Variants in TIE1 observed in about 807,000 individuals in gnomAD.
The protein encoded by TIE1 is tyrosine-protein kinase receptor Tie-1.
In TIE1, 89 loss-of-function variants were observed where a neutral mutation model predicts 130.5. The observed-to-expected ratio is 0.68, with a 90% CI of 0.57 to 0.81. TIE1 has a LOEUF of 0.81. Ranked by LOEUF, TIE1 falls within the 40% of genes least tolerant of loss-of-function variation. The pLI is 0.00. For synonymous variants in TIE1, 568 were observed against 629.4 expected (o/e 0.90, Z 1.46); for missense variants, 1,392 against 1,559.8 (o/e 0.89, Z 1.81).
chr1:43,308,975 T>G lies in TIE1; in HGVS notation c.1043-11T>G. The G allele has an allele frequency of 6.2e-7, 1 of 1,613,948 alleles. No individual in the cohort carries two copies. Among genetic ancestry groups the G allele is most frequent in the Non-Finnish European group, 8.5e-7 (1 of 1,179,928 alleles). ...TGTGGGAGCTCCAGGATGAGTGTCCTTTCTCCCCAGACCGGATCCCCCAGA... is the reference window on the plus strand; with the variant it reads ...TGTGGGAGCTCCAGGATGAGTGTCCGTTCTCCCCAGACCGGATCCCCCAGA... On this transcript the variant is annotated splice_polypyrimidine_tract_variant and intron_variant, in intron 7 of 22. Transcript: ENST00000372476.
rs780986685 is a variant in TIE1 at position 43,312,144 on chromosome 1, G to C, written c.1630+13G>C. 6.6e-7 allele frequency: 1 copy of C among 1,524,774 alleles called. No homozygotes were observed. Among genetic ancestry groups the C allele is most frequent in the Non-Finnish European group, 8.8e-7 (1 of 1,135,448 alleles). The allele number at this position is 1,524,774 out of a possible 1,614,324, so 94.5% of individuals were successfully genotyped here. A position where few individuals can be genotyped will look rare whatever the true frequency, so the allele number is the denominator to read the frequency against. On this transcript the variant is annotated intron_variant, in intron 11 of 22. Transcript: ENST00000372476. This position sits in a 1 kb window ranked among gnomAD's most constrained non-coding sequence, Gnocchi z 5.6. ...ACAGACTGTCCTGGTGAGAGGCCAA[G>C]AGTCATCCCTTCCTGTCCCCCCAAG... is the stretch of plus-strand genomic sequence containing the variant.
At position 43,314,226 on chromosome 1, in the gene TIE1, G is replaced by A. The variant is rs540779387; in HGVS notation, c.2409+258G>A. On this transcript the variant is annotated intron_variant, in intron 14 of 22. Coordinates refer to ENST00000372476, the MANE Select transcript of TIE1 (RefSeq NM_005424.5). ...TCCCATTTCAAAAGAATTCCGTGATGACCATATTTCACAATGGACATTCCA... is the reference window on the plus strand; with the variant it reads ...TCCCATTTCAAAAGAATTCCGTGATAACCATATTTCACAATGGACATTCCA... 5.8e-6 allele frequency: 4 copies of A among 693,176 alleles called. No homozygotes were observed. The South Asian group carries it at 7.8e-5, about 13-fold the overall frequency. 42.9% of individuals were successfully genotyped at this position (693,176 alleles called of 1,614,324 possible). A position where few individuals can be genotyped will look rare whatever the true frequency, so the allele number is the denominator to read the frequency against.
intron 1 of TIE1, among the ~76,000 whole-genome samples, chr1:43,302,145 G>A (rs775839364): frequency 1.4e-4 from 22 of 152,164 alleles, no homozygotes; most frequent in Non-Finnish European, 2.5e-4. Context: ...TTGTTCACTG[G>A]ACAAACATTT....
chr1:43,307,378 T>C lies in TIE1; in HGVS notation c.773-54T>C. 1 of 1,611,940 alleles carries C rather than the reference T, an allele frequency of 6.2e-7. No homozygotes were observed. The highest frequency in any genetic ancestry group is 8.5e-7 in the Non-Finnish European group (1 of 1,178,792). ...TTGGAGGGTAAGGGCGACAGGCAGG[T>C]CCTGGGCCCAGGGGCCCACAGAGGC... On this transcript the variant is annotated intron_variant, in intron 5 of 22. Coordinates refer to ENST00000372476, the MANE Select transcript of TIE1 (RefSeq NM_005424.5). The surrounding 1 kb of genome is among the most constrained non-coding windows in gnomAD (Gnocchi z 5.4).
intron 14 of TIE1, 168 bp downstream of exon 14, chr1:43,314,136 T>C: frequency 1.1e-6 from 1 of 887,614 alleles, no homozygotes; most frequent in Non-Finnish European, 1.8e-6. Context: ...TATAATTTTC[T>C]TTATTTCTCT....
Position 43,317,416 on chromosome 1 carries a change from T to G in TIE1, c.2620+7T>G. On this transcript the variant is annotated splice_region_variant and intron_variant, in intron 15 of 22. Coordinates refer to ENST00000372476, the MANE Select transcript of TIE1 (RefSeq NM_005424.5). This position sits in a 1 kb window ranked among gnomAD's most constrained non-coding sequence, Gnocchi z 5.1. ...GCCATCAAAATGCTGAAAGGTCCAC[T>G]GGGGCGACCCCTGGCCCAGCCCTGA... The G allele has an allele frequency of 1.9e-6, 3 of 1,614,002 alleles. No homozygotes were observed. The South Asian group carries it at 3.3e-5, about 18-fold the overall frequency.
At chr1:43,301,783 C>T (rs1246057620) in intron 1 of TIE1, among the ~76,000 whole-genome samples, 6 of 152,174 alleles carry the variant, frequency 3.9e-5, no homozygotes, top group African/African-American at 7.2e-5. Context: ...GCAAGAGAAT[C>T]GCTTGAATCT....
At chr1:43,314,040 TACCTTGTAC>T in intron 14 of TIE1, 72 bp downstream of exon 14, 3 of 1,456,368 alleles carry the variant, frequency 2.1e-6, no homozygotes, top group Non-Finnish European at 2.9e-6. Context: ...GTACACACAA[TACCTTGTAC>T]ACCTTGTGTG....
chr1:43,308,722 T>C (rs1646756558), intron 7 of TIE1: 1 of 568,134 alleles, frequency 1.8e-6, no homozygotes, highest in South Asian at 1.8e-5. Context: ...CCTGAGCTAG[T>C]GTGCTGGCTG....
chr1:43,307,954 C>G lies in TIE1; in HGVS notation c.1042+30C>G, dbSNP rs1646747877. 1 of 1,610,762 alleles carries G rather than the reference C, an allele frequency of 6.2e-7. No homozygotes were observed. The highest frequency in any genetic ancestry group is 1.3e-5 in the African/African-American group (1 of 74,882). ...AAGCACTATGACCTCTGAGAGCCCC[C>G]CAAGATAAGTCGGCCTTTACCAAAC... On this transcript the variant is annotated intron_variant, in intron 7 of 22. Coordinates refer to ENST00000372476, the MANE Select transcript of TIE1 (RefSeq NM_005424.5). This position sits in a 1 kb window ranked among gnomAD's most constrained non-coding sequence, Gnocchi z 5.4.
chr1:43,321,482 G>GA lies in TIE1; in HGVS notation c.3236dup (p.Asp1079GlufsTer3). On this transcript the variant is annotated frameshift_variant, in exon 21 of 23. Transcript: ENST00000372476. LOFTEE classifies it high-confidence loss of function. ...CCGCATGGAGCAGCCTCGAAACTGT[G>GA]ACGATGAAGTGTGAGTCACCCCATC... is the stretch of plus-strand genomic sequence containing the variant. 6.2e-7 allele frequency: 1 copy of GA among 1,612,884 alleles called. No homozygotes were observed. Among genetic ancestry groups the GA allele is most frequent in the East Asian group, 2.2e-5 (1 of 44,844 alleles).
In TIE1 at chr1:43,322,231, GA is replaced by G. The variant is rs149013078; in HGVS notation, c.3346-415del. Reference sequence around the variant, plus strand: ...AAGTGAATTATCAAATAAATATAATGAAAAATATATCAAAATTAGTAAATAT... The same window carrying G: ...AAGTGAATTATCAAATAAATATAATGAAAATATATCAAAATTAGTAAATAT... On this transcript the variant is annotated intron_variant, in intron 22 of 22. Coordinates refer to ENST00000372476, the MANE Select transcript of TIE1 (RefSeq NM_005424.5). The surrounding 1 kb of genome is among the most constrained non-coding windows in gnomAD (Gnocchi z 4.0). Among the ~76,000 whole-genome samples, 1 of 152,224 alleles carries G rather than the reference GA, an allele frequency of 6.6e-6. No individual in the cohort carries two copies. Among genetic ancestry groups the G allele is most frequent in the African/African-American group, 2.4e-5 (1 of 41,532 alleles).
intron 1 of TIE1, 53 bp from the exon 2 acceptor site, chr1:43,304,798 G>A (rs1646707015): frequency 4.3e-6 from 6 of 1,381,892 alleles, no homozygotes; most frequent in Non-Finnish European, 4.6e-6. Context: ...GGGGGCTCTG[G>A]GGCACTAGGG....
At position 43,313,213 on chromosome 1, in the gene TIE1, C is replaced by T. The variant is rs1203281159; in HGVS notation, c.2006C>T (p.Ala669Val). 3 of 1,613,844 alleles carry T rather than the reference C, an allele frequency of 1.9e-6. No homozygotes were observed. The highest frequency in any genetic ancestry group is 2.5e-6 in the Non-Finnish European group (3 of 1,179,910). The change falls in exon 13 of 23, where the codon GCT becomes GTT. Residue 669 changes from alanine (A) to valine (V), a missense_variant. Physicochemically the swap from Ala to Val is moderately conservative, Grantham distance 64. This residue lies in a region of TIE1 where 551 missense variants were observed against 565.5 expected (regional missense o/e 0.97). Coordinates refer to ENST00000372476, the MANE Select transcript of TIE1 (RefSeq NM_005424.5). This position sits in a 1 kb window ranked among gnomAD's most constrained non-coding sequence, Gnocchi z 6.2. ...EIQLTWKHPE[A>V]LPGPISKYVV... ...CAGCTGACATGGAAGCACCCGGAGG[C>T]TCTGCCTGGGCCAATATCCAAGTAC...
chr1:43,307,142 G>T lies in TIE1; in HGVS notation c.641G>T (p.Gly214Val). The change falls in exon 5 of 23, where the codon GGT becomes GTT. Residue 214 changes from glycine (G) to valine (V), a missense_variant and splice_region_variant. Transcript: ENST00000372476. This position sits in a 1 kb window ranked among gnomAD's most constrained non-coding sequence, Gnocchi z 5.4. ...AGCTGCTGAAGACACCTTCCTCCAGGTTGTGGGGCTGGGCGCTGGGGGCCA... is the reference window on the plus strand; with the variant it reads ...AGCTGCTGAAGACACCTTCCTCCAGTTTGTGGGGCTGGGCGCTGGGGGCCA... ...GSAFFRLIVRGCGAGRWGPGC... is the reference protein window; with the variant it reads ...GSAFFRLIVRVCGAGRWGPGC... The T allele has an allele frequency of 6.2e-7, 1 of 1,614,070 alleles. No homozygotes were observed. The highest frequency in any genetic ancestry group is 1.1e-5 in the South Asian group (1 of 91,086).
rs1249734355 is a variant in TIE1, at chr1:43,318,072, GGT to G, written c.2922+8_2922+9del. On this transcript the variant is annotated splice_donor_variant, in intron 17 of 22. Transcript: ENST00000372476. LOFTEE classifies it high-confidence loss of function. This position sits in a 1 kb window ranked among gnomAD's most constrained non-coding sequence, Gnocchi z 4.4. ...GCATGCAGTACCTGAGTGAGAAGCA[GGT>G]GTGTGTGAGTGGGGGCGGGTGGAGG... The G allele has an allele frequency of 6.5e-7, 1 of 1,540,586 alleles. No individual in the cohort carries two copies. Among genetic ancestry groups the G allele is most frequent in the African/African-American group, 1.4e-5 (1 of 72,884 alleles).
In TIE1 at chr1:43,305,319, A is replaced by G. The variant is rs1646717508; in HGVS notation, c.460A>G (p.Thr154Ala). The G allele has an allele frequency of 1.3e-6, 2 of 1,584,168 alleles. No individual in the cohort carries two copies. The highest frequency in any genetic ancestry group is 1.7e-5 in the Admixed American group (1 of 58,286). Residue 154 changes from threonine to alanine, a missense_variant, in exon 3 of 23, where the codon ACA (threonine) becomes GCA (alanine). Physicochemically the swap from Thr to Ala is moderately conservative, Grantham distance 58. Transcript: ENST00000372476. ...LSARVHKEKQ[T>A]DVIWKSNGSY... ...TGCACGTGTGCACAAGGAGAAGCAGACAGACGTGATCTGGAAGAGCAACGG... is the reference window on the plus strand; with the variant it reads ...TGCACGTGTGCACAAGGAGAAGCAGGCAGACGTGATCTGGAAGAGCAACGG...
At chr1:43,303,471 G>A (rs903924767) in intron 1 of TIE1, among the ~76,000 whole-genome samples, 4 of 152,180 alleles carry the variant, frequency 2.6e-5, no homozygotes, top group African/African-American at 7.2e-5. Context: ...TGCCAGCTTC[G>A]TTTGCTCATG....
In TIE1 at chr1:43,304,946, A is replaced by AG. The variant is rs1646709409; in HGVS notation, c.158dup (p.Ser54LeufsTer87). 2 of 1,446,142 alleles carry AG rather than the reference A, an allele frequency of 1.4e-6. No individual in the cohort carries two copies. The highest frequency in any genetic ancestry group is 1.8e-6 in the Non-Finnish European group (2 of 1,104,048). The allele number at this position is 1,446,142 out of a possible 1,614,324, so 89.6% of individuals were successfully genotyped here. The stretch of plus-strand genomic sequence containing the variant: ...CGTGTCTGGGGAGGCCGGGGCGGGG[A>AG]GGGGCTCGGACGCCTGGGGCCCGCC... On this transcript the variant is annotated frameshift_variant, in exon 2 of 23. Coordinates refer to ENST00000372476, the MANE Select transcript of TIE1 (RefSeq NM_005424.5). LOFTEE classifies it high-confidence loss of function.
Sources: gnomAD v4.1 joint callset for allele counts (sites outside exome capture counted in the v4.1 genomes callset) on GRCh38, gnomAD v4.1.1 for gene constraint, gnomAD v4.1.1 regional missense constraint, Gnocchi (gnomAD v3.1) non-coding constraint, MANE v1.5 for transcripts, NCBI Gene and HGNC (gene_info 2026-07-23, HGNC 2026-07-21) for gene names.